Variants in SIN3B observed in about 807,000 individuals in gnomAD.
SIN3B encodes SIN3 transcription regulator family member B.
In SIN3B, 19 loss-of-function variants were observed where a neutral mutation model predicts 120.2. The ratio of observed to expected loss-of-function variants is 0.16; its 90% CI spans 0.11 to 0.23. The LOEUF is 0.23. Among genes scored for constraint, SIN3B ranks in the 10% least tolerant of loss-of-function variants. The pLI is 1.00. For missense variants in SIN3B, 1,073 were observed against 1,573.0 expected, an observed-to-expected ratio of 0.68 and a Z score of 5.38; for synonymous variants, 654 against 653.2, an observed-to-expected ratio of 1.00 and a Z score of -0.02.
chr19:16,857,551 GTGTA>G (rs1470559962), intron 8 of SIN3B, among the ~76,000 whole-genome samples: 23 of 142,312 alleles, frequency 1.6e-4, no homozygotes, highest in African/African-American at 5.0e-4. Context: ...GTGTGTGTGT[GTGTA>G]TATATACACA....
intron 9 of SIN3B, 120 bp from the exon 10 acceptor site, chr19:16,863,559 AG>A: frequency 1.4e-6 from 1 of 724,050 alleles, no homozygotes; most frequent in Admixed American, 2.0e-5. Flanking sequence ...CATTTGTATA[AG>A]GCAGTTGGTA....
intron 16 of SIN3B, 34 bp from the exon 17 acceptor site, chr19:16,877,511 G>A: frequency 6.7e-7 from 1 of 1,485,630 alleles, no homozygotes; most frequent in Non-Finnish European, 9.3e-7. Context: ...CCTGCTGTAG[G>A]GGCATCACGG....
At chr19:16,846,889 G>T in intron 4 of SIN3B, 81 bp from the exon 5 acceptor site, 1 of 1,471,868 alleles carries the variant, frequency 6.8e-7, no homozygotes. Flanking sequence ...TCCCCTTCAC[G>T]GAGGGCTGCC....
Position 16,865,312 on chromosome 19 carries a change from C to A in SIN3B, c.1384-98C>A, listed in dbSNP as rs1294980584. 5 of 558,512 alleles carry A rather than the reference C, an allele frequency of 9.0e-6. 1 individual carries two copies. The highest frequency in any genetic ancestry group is 5.2e-5 in the South Asian group (3 of 57,266). The allele number at this position is 558,512 out of a possible 1,614,324, so 34.6% of individuals were successfully genotyped here. Reference sequence around the variant, plus strand: ...CTATCTCTTAAATACACACACCCCCCCCCCAAAAAAATCCTCTGGTCTCTG... The same window carrying A: ...CTATCTCTTAAATACACACACCCCCACCCCAAAAAAATCCTCTGGTCTCTG... On this transcript the variant is annotated intron_variant, in intron 10 of 18. Transcript: ENST00000248054.
intron 17 of SIN3B, 28 bp from the exon 18 acceptor site, chr19:16,878,155 A>T (rs2144636746): frequency 6.6e-7 from 1 of 1,518,000 alleles, no homozygotes; most frequent in Admixed American, 2.0e-5. Context: ...CGAGAGCCAG[A>T]GTCCATTCCA....
Position 16,854,147 on chromosome 19 carries a change from G to A in SIN3B, c.944G>A (p.Arg315His), listed in dbSNP as rs745454131. The A allele has an allele frequency of 3.7e-6, 6 of 1,610,466 alleles. No homozygotes were observed. The highest frequency in any genetic ancestry group is 2.2e-5 in the East Asian group (1 of 44,838). ...CCCTGACTGCTCTCTCTGCAGGTCC[G>A]CCGGGTGCTGAAGAGCCAGGAGGTG... ...LQEFSFFDKV[R>H]RVLKSQEVYE... The change falls in exon 8 of 19, where the codon CGC becomes CAC. Residue 315 changes from arginine to histidine, a missense_variant. This residue lies in a region of SIN3B where 395 missense variants were observed against 528.0 expected (regional missense o/e 0.75). Transcript: ENST00000248054.
intron 8 of SIN3B, 122 bp downstream of exon 8, chr19:16,854,383 T>G (rs1426235969): frequency 4.7e-6 from 3 of 642,924 alleles, no homozygotes; most frequent in Non-Finnish European, 8.1e-6. Flanking sequence ...GTTTATTAAT[T>G]GACGTGATTG....
chr19:16,840,883 C>T (rs559271194), intron 3 of SIN3B, among the ~76,000 whole-genome samples: 37 of 152,182 alleles, frequency 2.4e-4, no homozygotes, highest in African/African-American at 7.5e-4. Flanking sequence ...GGTGACGGGC[C>T]GCGGAGAAAA....
At chr19:16,848,095 C>T (rs2144591032) in intron 5 of SIN3B, among the ~76,000 whole-genome samples, 1 of 152,340 alleles carries the variant, frequency 6.6e-6, no homozygotes, top group East Asian at 1.9e-4. Context: ...CATTCCTTTT[C>T]CTGGCTGAAT....
Position 16,869,452 on chromosome 19 carries a change from C to A in SIN3B, c.1807-8C>A, listed in dbSNP as rs748609099. 48 of 1,598,372 alleles carry A rather than the reference C, an allele frequency of 3.0e-5. 1 individual carries two copies. The highest frequency in any genetic ancestry group is 1.7e-4 in the Middle Eastern group (1 of 5,856). ...CTTTCCACCTAATGGCCGCCCTTCC[C>A]CCCACAGCACCAGGAGCAGCACTCG... On this transcript the variant is annotated splice_region_variant and splice_polypyrimidine_tract_variant and intron_variant, in intron 12 of 18. Transcript: ENST00000248054.
intron 8 of SIN3B, among the ~76,000 whole-genome samples, chr19:16,860,911 G>A (rs757509252): frequency 1.4e-4 from 22 of 151,890 alleles, no homozygotes; most frequent in Non-Finnish European, 3.2e-4. Context: ...AACTTTTTTG[G>A]TAGGATCTGA....
rs1971545572 is a variant in SIN3B at position 16,851,506 on chromosome 19, T to A, written c.821T>A (p.Leu274His). 6.2e-7 allele frequency: 1 copy of A among 1,606,270 alleles called. No individual in the cohort carries two copies. Among genetic ancestry groups the A allele is most frequent in the African/African-American group, 1.3e-5 (1 of 74,646 alleles). ...AGCAGGAAGCGCTCCCGGCCCTCGC[T>A]CCTCCGCCCCGTGTCTGCACCCGCC... ...EHSRKRSRPS[L>H]LRPVSAPAKK... is the part of the protein sequence containing the mutation. The change falls in exon 6 of 19, where the codon CTC (leucine) becomes CAC (histidine). Residue 274 changes from leucine (L) to histidine (H), a missense_variant. Physicochemically the swap from Leu to His is moderately conservative, Grantham distance 99. Transcript: ENST00000248054.
In SIN3B at chr19:16,831,477, TC is replaced by T. The variant is rs781203875; in HGVS notation, c.228-15del. 1.5e-5 allele frequency: 24 copies of T among 1,611,748 alleles called. No individual in the cohort carries two copies. In the East Asian group the frequency reaches 2.7e-4, roughly 18 times the overall value. On this transcript the variant is annotated splice_polypyrimidine_tract_variant and intron_variant, in intron 2 of 18. Transcript: ENST00000248054. ...ATTTCCCAAGACCCTTTTGCCCACT[TC>T]CGTTGTTTCTTCTAGCATCGATACT...
intron 5 of SIN3B, 131 bp from the exon 6 acceptor site, chr19:16,851,281 G>A (rs1310258366): frequency 5.8e-6 from 6 of 1,027,516 alleles, no homozygotes; most frequent in Non-Finnish European, 8.3e-6. Context: ...CATGGACGGA[G>A]CATCTGGCCT....
At chr19:16,848,807 T>A (rs922486365) in intron 5 of SIN3B, among the ~76,000 whole-genome samples, 1 of 152,232 alleles carries the variant, frequency 6.6e-6, no homozygotes, top group Admixed American at 6.5e-5. Context: ...GGCCTACTTT[T>A]ATTTTTTAAT....
intron 4 of SIN3B, chr19:16,846,350 C>T (rs1470571055): frequency 2.0e-5 from 3 of 152,210 alleles, no homozygotes; most frequent in Admixed American, 1.3e-4. Flanking sequence ...GCTTTGCAGC[C>T]GTGCAGTGGG....
chr19:16,868,888 C>T (rs533695992), intron 12 of SIN3B, among the ~76,000 whole-genome samples: 11 of 152,164 alleles, frequency 7.2e-5, no homozygotes, highest in South Asian at 6.2e-4. Flanking sequence ...GGCTTGGTGA[C>T]GATGGGCGTG....
chr19:16,877,478 T>A, intron 16 of SIN3B, 67 bp from the exon 17 acceptor site: 1 of 1,184,014 alleles, frequency 8.4e-7, no homozygotes, highest in Non-Finnish European at 1.2e-6. Context: ...GAACTCAGAG[T>A]CCAGAGTAAG....
chr19:16,829,466 C>T lies in SIN3B; in HGVS notation c.46C>T (p.Pro16Ser), dbSNP rs1971249053. The T allele has an allele frequency of 8.2e-7, 1 of 1,216,300 alleles. No individual in the cohort carries two copies. Among genetic ancestry groups the T allele is most frequent in the African/African-American group, 1.6e-5 (1 of 63,712 alleles). The allele number at this position is 1,216,300 out of a possible 1,614,324, so 75.3% of individuals were successfully genotyped here. A position where few individuals can be genotyped will look rare whatever the true frequency, so the allele number is the denominator to read the frequency against. ...CAGCGGTGGCAGCGGTGCCGGCGGC[C>T]CCGCGGGCCGGGGGCTGAGCGGCGC... ...GGSGGSGAGG[P>S]AGRGLSGARW... The change falls in exon 1 of 19, where the codon CCC becomes TCC. Residue 16 changes from proline (P) to serine (S), a missense_variant. Around this residue, in one of 7 missense-constraint regions of SIN3B, gnomAD observed 395 missense variants for 528.0 expected, o/e 0.75. Coordinates refer to ENST00000248054, the MANE Select transcript of SIN3B (RefSeq NM_001297595.2).
Sources: gnomAD v4.1 joint callset for allele counts (sites outside exome capture counted in the v4.1 genomes callset) on GRCh38, gnomAD v4.1.1 for gene constraint, gnomAD v4.1.1 regional missense constraint, MANE v1.5 for transcripts, NCBI Gene and HGNC (gene_info 2026-07-23, HGNC 2026-07-21) for gene names.